Variants in TNS4 observed in about 807,000 individuals in gnomAD.
TNS4 encodes tensin 4.
Under a neutral mutation model 70.4 loss-of-function variants are expected in TNS4, and 46 were observed. That is an observed-to-expected ratio of 0.65 (90% confidence interval 0.52 to 0.84). The LOEUF is 0.84. Ranked by LOEUF, TNS4 falls within the 40% of genes least tolerant of loss-of-function variation. The pLI, the probability that TNS4 is intolerant of heterozygous loss-of-function variation, is 0.00. For missense variants in TNS4, 863 were observed against 907.0 expected, an observed-to-expected ratio of 0.95 and a Z score of 0.62; for synonymous variants, 390 against 366.6, an observed-to-expected ratio of 1.06 and a Z score of -0.73.
chr17:40,491,731 C>G (rs1452565515), intron 2 of TNS4, among the ~76,000 whole-genome samples: 1 of 152,134 alleles, frequency 6.6e-6, no homozygotes, highest in Non-Finnish European at 1.5e-5. Context: ...GTTGGGGCCT[C>G]TACCCATTGC....
intron 2 of TNS4, 32 bp from the exon 3 acceptor site, chr17:40,489,001 A>G: frequency 6.5e-7 from 1 of 1,529,412 alleles, no homozygotes; most frequent in Non-Finnish European, 8.7e-7. Flanking sequence ...CATTGGTGAA[A>G]TGCAGGAGCC....
intron 2 of TNS4, among the ~76,000 whole-genome samples, chr17:40,493,953 C>A (rs1232792101): frequency 6.6e-6 from 1 of 152,266 alleles, no homozygotes; most frequent in Non-Finnish European, 1.5e-5. Flanking sequence ...GCCCAAGATG[C>A]CTTTCCTGCA....
Position 40,479,872 on chromosome 17 carries a change from A to G in TNS4, c.1742-30T>C, listed in dbSNP as rs549791967. On this transcript the variant is annotated intron_variant, in intron 9 of 12. Coordinates refer to ENST00000254051, the MANE Select transcript of TNS4 (RefSeq NM_032865.6). ...GGGAGGCAGACACTGCGCTGGGGCC[A>G]CTGACCCAGGGCCCAGGTTCTCCCT... The G allele has an allele frequency of 1.5e-5, 24 of 1,583,610 alleles. 1 individual carries two copies. In the South Asian group the frequency reaches 2.7e-4, roughly 18 times the overall value.
chr17:40,500,249 C>T (rs928720043), intron 1 of TNS4, among the ~76,000 whole-genome samples: 10 of 152,228 alleles, frequency 6.6e-5, no homozygotes, highest in African/African-American at 2.4e-4. Context: ...CCAAGAGGGA[C>T]AGACCTGGAG....
At chr17:40,483,337 G>A (rs2035950552) in intron 6 of TNS4, among the ~76,000 whole-genome samples, 1 of 152,074 alleles carries the variant, frequency 6.6e-6, no homozygotes, top group African/African-American at 2.4e-5. Context: ...AGGCTCCCAA[G>A]TACCTGGGAC....
intron 4 of TNS4, among the ~76,000 whole-genome samples, chr17:40,485,941 A>G (rs867240585): frequency 6.6e-6 from 1 of 152,212 alleles, no homozygotes; most frequent in African/African-American, 2.4e-5. Flanking sequence ...TTGCCTCCAC[A>G]TGGCTTCGTG....
rs1014362259 is a variant in TNS4, at chr17:40,480,013, C to G, written c.1742-171G>C. On this transcript the variant is annotated intron_variant, in intron 9 of 12. Transcript: ENST00000254051. ...TGGGTGATCACAGTTTGAGGCCAAC[C>G]CCAGAGGGCTTTGGGATCTTCTGTG... 4 of 776,616 alleles carry G rather than the reference C, an allele frequency of 5.2e-6. No homozygotes were observed. In the African/African-American group the frequency reaches 5.3e-5, roughly 10 times the overall value. The allele number at this position is 776,616 out of a possible 1,614,324, so 48.1% of individuals were successfully genotyped here. A position where few individuals can be genotyped will look rare whatever the true frequency, so the allele number is the denominator to read the frequency against.
At chr17:40,485,101 A>G (rs1031469926) in intron 4 of TNS4, 94 bp from the exon 5 acceptor site, 4 of 1,091,072 alleles carry the variant, frequency 3.7e-6, no homozygotes, top group South Asian at 2.7e-5. Flanking sequence ...TCCCTACTCT[A>G]TTGCCCCAAG....
In TNS4 at chr17:40,487,446, A is replaced by G. The variant is rs1349395791; in HGVS notation, c.878T>C (p.Leu293Pro). 6.2e-7 allele frequency: 1 copy of G among 1,607,118 alleles called. No homozygotes were observed. The highest frequency in any genetic ancestry group is 8.5e-7 in the Non-Finnish European group (1 of 1,174,788). The change falls in exon 4 of 13, where the codon CTG (leucine) becomes CCG (proline). Residue 293 changes from leucine to proline, a missense_variant. Transcript: ENST00000254051. ...SYMFGSSQSL[L>P]HSSNSSHQSS... Reference sequence around the variant, plus strand: ...CTGATGGCTGGAGTTGCTGGAGTGCAGGAGGGACTGGCTGCTGCAGCGGGA... The same window carrying G: ...CTGATGGCTGGAGTTGCTGGAGTGCGGGAGGGACTGGCTGCTGCAGCGGGA...
chr17:40,496,245 C>A lies in TNS4; in HGVS notation c.181G>T (p.Gly61Trp). The A allele has an allele frequency of 6.3e-7, 1 of 1,595,266 alleles. No individual in the cohort carries two copies. The highest frequency in any genetic ancestry group is 8.5e-7 in the Non-Finnish European group (1 of 1,171,334). The change falls in exon 2 of 13, where the codon GGG becomes TGG. Residue 61 changes from glycine to tryptophan, a missense_variant. Physicochemically the swap from Gly to Trp is radical, Grantham distance 184. Coordinates refer to ENST00000254051, the MANE Select transcript of TNS4 (RefSeq NM_032865.6). ...QALMAPVPCM[G>W]PPGRLQQAPQ... ...GCTTGCTGGAGTCGGCCAGGGGGCC[C>A]CATGCAGGGCACGGGGGCCATCAGG... is the stretch of plus-strand genomic sequence containing the variant.
intron 2 of TNS4, among the ~76,000 whole-genome samples, chr17:40,489,815 G>T (rs1028963210): frequency 1.8e-5 from 2 of 108,204 alleles, no homozygotes; most frequent in African/African-American, 7.7e-5. Flanking sequence ...AAAAAAAAAG[G>T]AAGTGGTTTC....
chr17:40,485,039 G>A, intron 4 of TNS4, 32 bp from the exon 5 acceptor site: 1 of 1,595,116 alleles, frequency 6.3e-7, no homozygotes, highest in Non-Finnish European at 8.6e-7. Context: ...GGACCCTGTA[G>A]GCTGGACAGA....
rs372910464 is a variant in TNS4 at position 40,480,421 on chromosome 17, C to T, written c.1741+279G>A. ...TCTCAGACCTAGAGAGACCCTAGCA[C>T]GTGTGCACATGCCCATGTGTGTGCA... is the stretch of plus-strand genomic sequence containing the variant. On this transcript the variant is annotated intron_variant, in intron 9 of 12. Transcript: ENST00000254051. Among the ~76,000 whole-genome samples the T allele has an allele frequency of 2.9e-3, 442 of 152,240 alleles. 1 individual carries two copies. Among genetic ancestry groups the T allele is most frequent in the Middle Eastern group, 0.014 (4 of 294 alleles).
At chr17:40,499,497 T>C (rs2036186272) in intron 1 of TNS4, among the ~76,000 whole-genome samples, 1 of 152,166 alleles carries the variant, frequency 6.6e-6, no homozygotes, top group Admixed American at 6.5e-5. Flanking sequence ...ACACCTGGGA[T>C]CTAGAGAGGG....
At chr17:40,492,755 G>A (rs1165794750) in intron 2 of TNS4, among the ~76,000 whole-genome samples, 1 of 151,938 alleles carries the variant, frequency 6.6e-6, no homozygotes, top group Non-Finnish European at 1.5e-5. Flanking sequence ...TAGCCAGGTT[G>A]GCAGGGCATG....
At chr17:40,485,312 C>G (rs1391081668) in intron 4 of TNS4, among the ~76,000 whole-genome samples, 1 of 152,210 alleles carries the variant, frequency 6.6e-6, no homozygotes, top group Non-Finnish European at 1.5e-5. Context: ...ACTGTTGAGT[C>G]CCCTGGTGAG....
At chr17:40,491,435 T>C (rs1409302444) in intron 2 of TNS4, among the ~76,000 whole-genome samples, 2 of 152,180 alleles carry the variant, frequency 1.3e-5, no homozygotes, top group African/African-American at 2.4e-5. Context: ...GTGAAGTGAG[T>C]TATCCAATGC....
chr17:40,482,751 C>T (rs971091500), intron 6 of TNS4, among the ~76,000 whole-genome samples: 1 of 151,766 alleles, frequency 6.6e-6, no homozygotes, highest in African/African-American at 2.4e-5. Flanking sequence ...GCACTCCAGC[C>T]TGGGTGACAC....
chr17:40,498,560 T>C (rs957230877), intron 1 of TNS4, among the ~76,000 whole-genome samples: 1 of 152,164 alleles, frequency 6.6e-6, no homozygotes, highest in African/African-American at 2.4e-5. Context: ...GTCAGTCCTC[T>C]TGTTTTTTTT....
Sources: allele counts gnomAD v4.1 joint callset (sites outside exome capture counted in the v4.1 genomes callset), GRCh38; gene constraint gnomAD v4.1.1; transcripts MANE v1.5; gene names NCBI Gene and HGNC (gene_info 2026-07-23, HGNC 2026-07-21).